Variants in NUP88 observed in about 807,000 individuals in gnomAD.
NUP88 encodes nucleoporin 88.
A neutral mutation model predicts 93.9 loss-of-function variants in NUP88; 57 were observed. The ratio of observed to expected loss-of-function variants is 0.61; its 90% confidence interval spans 0.49 to 0.76. The LOEUF is 0.76. NUP88 is among the 30% of genes least tolerant of loss of function. The probability of loss-of-function intolerance (pLI) is 0.00; values close to 1 mark genes in which losing one functional copy is unlikely to be tolerated. For missense variants in NUP88, 911 were observed against 901.0 expected, an observed-to-expected ratio of 1.01 and a Z score of -0.14; for synonymous variants, 346 against 336.8, an observed-to-expected ratio of 1.03 and a Z score of -0.30.
rs376730991 is a variant in NUP88, at chr17:5,387,051, C to T, written c.1976G>A (p.Arg659Gln). Residue 659 changes from arginine (R) to glutamine (Q), a missense_variant, in exon 15 of 17, where the codon CGA (arginine) becomes CAA (glutamine). By Grantham distance (43) the Arg-to-Gln change is conservative. Coordinates refer to ENST00000573584, the MANE Select transcript of NUP88 (RefSeq NM_002532.6). Reference protein sequence around the residue: ...SELPVLSDSERDMKKELQLIP... With the variant: ...SELPVLSDSEQDMKKELQLIP... The stretch of plus-strand genomic sequence containing the variant: ...CAGCTGTAATTCTTTCTTCATGTCT[C>T]GCTCACTATCAGAGAGAACTGGGAG... 19 of 1,613,946 alleles carry T rather than the reference C, an allele frequency of 1.2e-5. No homozygotes were observed. Among genetic ancestry groups the T allele is most frequent in the African/African-American group, 8.0e-5 (6 of 74,938 alleles).
Position 5,405,230 on chromosome 17 carries a change from C to T in NUP88, c.871G>A (p.Gly291Arg). Residue 291 changes from glycine to arginine, a missense_variant, in exon 6 of 17, where the codon GGA becomes AGA. Coordinates refer to ENST00000573584, the MANE Select transcript of NUP88 (RefSeq NM_002532.6). ...ATGGGCAATGGACCCAACAGCTTTC[C>T]AATATTTCCAGGGCTAAAGAAGGAG... ...ISLLHSPGNI[G>R]KLLGPLPMHP... is the part of the protein sequence containing the mutation. 3.7e-6 allele frequency: 6 copies of T among 1,613,110 alleles called. No homozygotes were observed. The East Asian group carries it at 8.9e-5, about 24-fold the overall frequency.
In NUP88 at chr17:5,411,714, G is replaced by A. The variant is rs778001805; in HGVS notation, c.594-925C>T. Among the ~76,000 whole-genome samples, 28 of 152,052 alleles carry A rather than the reference G, an allele frequency of 1.8e-4. 1 individual carries two copies. Among genetic ancestry groups the A allele is most frequent in the Non-Finnish European group, 1.8e-4 (12 of 67,990 alleles). On this transcript the variant is annotated intron_variant, in intron 3 of 16. Transcript: ENST00000573584. ...TAACCTACATTTCACAGCATATAAG[G>A]CTATTGTGAAAAAGGGAATTTTCAA...
At chr17:5,414,213 C>A in intron 2 of NUP88, 79 bp from the exon 3 acceptor site, 1 of 1,327,358 alleles carries the variant, frequency 7.5e-7, no homozygotes, top group Non-Finnish European at 1.1e-6. Context: ...CTTTTTTTTG[C>A]AGATGGAGTT....
chr17:5,403,464 G>C (rs866945904), intron 7 of NUP88, among the ~76,000 whole-genome samples: 1 of 152,030 alleles, frequency 6.6e-6, no homozygotes, highest in Admixed American at 6.6e-5. Context: ...GCAACAGAGC[G>C]AGACTCCATC....
At chr17:5,398,630 G>C (rs1316054759) in intron 8 of NUP88, among the ~76,000 whole-genome samples, 1 of 144,358 alleles carries the variant, frequency 6.9e-6, no homozygotes, top group South Asian at 2.2e-4. Context: ...TCGCTCTGTC[G>C]CCTGGGCTGG....
At chr17:5,403,340 G>A (rs1913281311) in intron 7 of NUP88, among the ~76,000 whole-genome samples, 1 of 152,140 alleles carries the variant, frequency 6.6e-6, no homozygotes, top group African/African-American at 2.4e-5. Flanking sequence ...AGCAGGGCGT[G>A]GTGGCACATG....
Position 5,419,319 on chromosome 17 carries a change from G to C in NUP88, c.297+35C>G, listed in dbSNP as rs746441008. On this transcript the variant is annotated intron_variant, in intron 1 of 16. Coordinates refer to ENST00000573584, the MANE Select transcript of NUP88 (RefSeq NM_002532.6). ...AACAAAAAAGACTGGTTCCGATCCC[G>C]GTGAGGGTCACTTCCAAGATCGGCC... 5.3e-6 allele frequency: 8 copies of C among 1,522,398 alleles called. No homozygotes were observed. The African/African-American group carries it at 8.4e-5, about 16-fold the overall frequency. The allele number at this position is 1,522,398 out of a possible 1,614,324, so 94.3% of individuals were successfully genotyped here.
At chr17:5,400,076 G>A (rs888004953) in intron 7 of NUP88, among the ~76,000 whole-genome samples, 1 of 133,718 alleles carries the variant, frequency 7.5e-6, no homozygotes, top group South Asian at 2.6e-4. Flanking sequence ...GAGACAGCAC[G>A]TGCTGTTTGA....
intron 5 of NUP88, among the ~76,000 whole-genome samples, chr17:5,408,383 T>C (rs547210238): frequency 6.6e-6 from 1 of 152,332 alleles, no homozygotes; most frequent in Non-Finnish European, 1.5e-5. Flanking sequence ...TGTATGTATC[T>C]TTCTCCCCAC....
intron 8 of NUP88, among the ~76,000 whole-genome samples, chr17:5,395,642 C>T (rs1480413671): frequency 1.3e-5 from 2 of 151,844 alleles, no homozygotes; most frequent in Non-Finnish European, 2.9e-5. Flanking sequence ...GATTCTCCTG[C>T]GTCAGCCTCC....
chr17:5,402,869 C>T (rs1913254136), intron 7 of NUP88, among the ~76,000 whole-genome samples: 1 of 152,080 alleles, frequency 6.6e-6, no homozygotes, highest in Non-Finnish European at 1.5e-5. Flanking sequence ...TGGTGCACAC[C>T]TGTAGTCCCA....
At chr17:5,406,896 T>C (rs940613956) in intron 5 of NUP88, among the ~76,000 whole-genome samples, 2 of 152,174 alleles carry the variant, frequency 1.3e-5, no homozygotes, top group Non-Finnish European at 2.9e-5. Context: ...AAGCTTGGTG[T>C]ATACTTTCGA....
At chr17:5,398,819 T>C (rs529155157) in intron 8 of NUP88, among the ~76,000 whole-genome samples, 121 of 150,100 alleles carry the variant, frequency 8.1e-4, no homozygotes, top group African/African-American at 2.8e-3. Flanking sequence ...TCTCAATCTC[T>C]TGACCTCATG....
chr17:5,407,164 G>A lies in NUP88; in HGVS notation c.857+1569C>T, dbSNP rs73975727. Among the ~76,000 whole-genome samples the A allele has an allele frequency of 8.8e-3, 1,345 of 152,240 alleles. 21 individuals carry two copies. The highest frequency in any genetic ancestry group is 0.027 in the African/African-American group (1,123 of 41,530). On this transcript the variant is annotated intron_variant, in intron 5 of 16. Coordinates refer to ENST00000573584, the MANE Select transcript of NUP88 (RefSeq NM_002532.6). ...AATCCTCACCATTCTGTAACCTACCGAGCTCTTTCATCTTTCTAATCTTTA... is the reference window on the plus strand; with the variant it reads ...AATCCTCACCATTCTGTAACCTACCAAGCTCTTTCATCTTTCTAATCTTTA...
rs146671069 is a variant in NUP88 at position 5,396,671 on chromosome 17, T to C, written c.1292-1690A>G. Reference sequence around the variant, plus strand: ...ACTCAGGACTGGACTATCAGGTACATGGTAACTCTATGAATAATCATTTGA... The same window carrying C: ...ACTCAGGACTGGACTATCAGGTACACGGTAACTCTATGAATAATCATTTGA... On this transcript the variant is annotated intron_variant, in intron 8 of 16. Coordinates refer to ENST00000573584, the MANE Select transcript of NUP88 (RefSeq NM_002532.6). Among the ~76,000 whole-genome samples, 24 of 152,234 alleles carry C rather than the reference T, an allele frequency of 1.6e-4. No individual in the cohort carries two copies. The East Asian group carries it at 3.7e-3, about 23-fold the overall frequency.
In NUP88 at chr17:5,387,436, T is replaced by G; in HGVS notation, c.1866A>C (p.Leu622Phe). 6.2e-7 allele frequency: 1 copy of G among 1,614,196 alleles called. No individual in the cohort carries two copies. Among genetic ancestry groups the G allele is most frequent in the Non-Finnish European group, 8.5e-7 (1 of 1,180,022 alleles). The change falls in exon 14 of 17, where the codon TTA becomes TTC. Residue 622 changes from leucine (L) to phenylalanine (F), a missense_variant. Coordinates refer to ENST00000573584, the MANE Select transcript of NUP88 (RefSeq NM_002532.6). ...RKSLREMAER[L>F]ADKYEEAKEK... Reference sequence around the variant, plus strand: ...CTTTAGCTTCCTCATATTTGTCAGCTAAACGCTCAGCCATTTCCCGCAGAC... The same window carrying G: ...CTTTAGCTTCCTCATATTTGTCAGCGAAACGCTCAGCCATTTCCCGCAGAC...
At chr17:5,395,089 G>T in intron 8 of NUP88, 108 bp from the exon 9 acceptor site, 1 of 710,562 alleles carries the variant, frequency 1.4e-6, no homozygotes, top group Non-Finnish European at 2.5e-6. Flanking sequence ...TGAAAACATT[G>T]CTTCTCAAGT....
intron 1 of NUP88, among the ~76,000 whole-genome samples, chr17:5,417,219 G>C (rs916956647): frequency 6.6e-6 from 1 of 152,180 alleles, no homozygotes. Context: ...AGATTTTGGA[G>C]GAGTGAAGGT....
chr17:5,387,911 A>C lies in NUP88; in HGVS notation c.1644-7T>G. ...TATGTCCTTTTCAGAAGCTCTTAAA[A>C]ACAAAGTTTCTACCTTTATTTTCCT... On this transcript the variant is annotated splice_region_variant and splice_polypyrimidine_tract_variant and intron_variant, in intron 11 of 16. Coordinates refer to ENST00000573584, the MANE Select transcript of NUP88 (RefSeq NM_002532.6). 3 of 1,611,340 alleles carry C rather than the reference A, an allele frequency of 1.9e-6. No individual in the cohort carries two copies. The highest frequency in any genetic ancestry group is 2.5e-6 in the Non-Finnish European group (3 of 1,179,062).
Sources: allele counts gnomAD v4.1 joint callset (sites outside exome capture counted in the v4.1 genomes callset), GRCh38; gene constraint gnomAD v4.1.1; transcripts MANE v1.5; gene names NCBI Gene and HGNC (gene_info 2026-07-23, HGNC 2026-07-21).